EIF4G2: variants seen among roughly 807,000 people sequenced by gnomAD.
EIF4G2 encodes the protein eukaryotic translation initiation factor 4 gamma 2.
EIF4G2 carries 8 observed loss-of-function variants against 117.7 expected under a neutral mutation model. The observed-to-expected ratio is 0.07, with a 90% CI of 0.04 to 0.12. The LOEUF is 0.12. EIF4G2 is among the 10% of genes least tolerant of loss of function. The pLI is 1.00. For missense variants in EIF4G2, 812 were observed against 1,086.2 expected (o/e 0.75, Z 3.55); for synonymous variants, 413 against 367.8 (o/e 1.12, Z -1.41).
In EIF4G2 at chr11:10,801,107, A is replaced by G. The variant is rs377419984; in HGVS notation, c.1414-20T>C. On this transcript the variant is annotated intron_variant, in intron 14 of 21. Transcript: ENST00000339995. ...GCTAATCTGGAATTGAAAACAAAAT[A>G]TATCTAAATTAACAACATGCAGTTG... The G allele has an allele frequency of 1.9e-5, 30 of 1,613,468 alleles. No homozygotes were observed. Among genetic ancestry groups the G allele is most frequent in the African/African-American group, 2.7e-5 (2 of 74,878 alleles).
At chr11:10,801,413 G>C (rs534244362) in intron 14 of EIF4G2, 1 of 654,608 alleles carries the variant, frequency 1.5e-6, no homozygotes, top group South Asian at 1.7e-5. Flanking sequence ...TACAAAGAAA[G>C]AAACCACAAT....
In EIF4G2 at chr11:10,802,133, T is replaced by G. The variant is rs137944750; in HGVS notation, c.1215A>C (p.Gln405His). Reference sequence around the variant, plus strand: ...TGTGTCCCCCATGGCCATTGAAGAGTTGATTTGAACGATGACGTCCCATGG... The same window carrying G: ...TGTGTCCCCCATGGCCATTGAAGAGGTGATTTGAACGATGACGTCCCATGG... The change falls in exon 13 of 22, where the codon CAA becomes CAC. Residue 405 changes from glutamine to histidine, a missense_variant. Coordinates refer to ENST00000339995, the MANE Select transcript of EIF4G2 (RefSeq NM_001418.4). The G allele has an allele frequency of 1.3e-5, 21 of 1,614,126 alleles. No homozygotes were observed. In the East Asian group the frequency reaches 2.0e-4, roughly 15 times the overall value.
chr11:10,798,904 C>T, intron 21 of EIF4G2, 88 bp downstream of exon 21: 1 of 1,486,994 alleles, frequency 6.7e-7, no homozygotes, highest in Non-Finnish European at 9.1e-7. Context: ...ACTACCTTGC[C>T]TGTATTTCAG....
At chr11:10,807,712 G>T in intron 1 of EIF4G2, 1 of 993,696 alleles carries the variant, frequency 1.0e-6, no homozygotes, top group South Asian at 4.5e-5. Flanking sequence ...GCAACATCAC[G>T]TGGAAAATGT....
In EIF4G2 at chr11:10,804,025, G is replaced by C. The variant is rs746467647; in HGVS notation, c.576C>G (p.Leu192=). 1.9e-6 allele frequency: 3 copies of C among 1,614,024 alleles called. No individual in the cohort carries two copies. The South Asian group carries it at 3.3e-5, about 18-fold the overall frequency. The change falls in exon 8 of 22, where the codon CTC becomes CTG. Residue 192 remains leucine, a synonymous_variant. Coordinates refer to ENST00000339995, the MANE Select transcript of EIF4G2 (RefSeq NM_001418.4). The stretch of plus-strand genomic sequence containing the variant: ...CTCTCTGTTCCTCCTCCTCGGGGAG[G>C]AGGGGATTTTCACGCTTATCATAGA...
rs770450400 is a variant in EIF4G2 at position 10,806,808 on chromosome 11, T to C, written c.107+12A>G. ...AAATAAAGCTCACTGTTTTTTTACA[T>C]GTTTACCACACCTGTTGCCAGCAGT... On this transcript the variant is annotated intron_variant, in intron 3 of 21. Coordinates refer to ENST00000339995, the MANE Select transcript of EIF4G2 (RefSeq NM_001418.4). 1.2e-6 allele frequency: 2 copies of C among 1,613,782 alleles called. No individual in the cohort carries two copies. Among genetic ancestry groups the C allele is most frequent in the South Asian group, 1.1e-5 (1 of 91,074 alleles).
intron 1 of EIF4G2, chr11:10,807,680 A>T (rs1284455146): frequency 9.9e-7 from 1 of 1,010,904 alleles, no homozygotes. Flanking sequence ...AGATCAATAG[A>T]AAAGTCTAAC....
At chr11:10,801,202 T>G in intron 14 of EIF4G2, 115 bp from the exon 15 acceptor site, 1 of 1,449,024 alleles carries the variant, frequency 6.9e-7, no homozygotes, top group Non-Finnish European at 9.2e-7. Flanking sequence ...TTAAGCTTTT[T>G]GAAAAACTAA....
At chr11:10,804,465 G>A (rs1847504628) in intron 5 of EIF4G2, 47 bp from the exon 6 acceptor site, 1 of 1,532,066 alleles carries the variant, frequency 6.5e-7, no homozygotes, top group African/African-American at 1.4e-5. Flanking sequence ...ACTTCTCCAA[G>A]AACCCTTCCT....
chr11:10,799,198 T>C lies in EIF4G2; in HGVS notation c.2536+15A>G, dbSNP rs767785772. 92 of 1,613,670 alleles carry C rather than the reference T, an allele frequency of 5.7e-5. 1 individual carries two copies. Among genetic ancestry groups the C allele is most frequent in the South Asian group, 3.1e-4 (28 of 91,086 alleles). ...GAACTTCCTCACGCCGTTCTTCTGA[T>C]ACAAGTCCTCTCACCTTTTGGGAAG... On this transcript the variant is annotated intron_variant, in intron 20 of 21. Transcript: ENST00000339995.
Position 10,803,887 on chromosome 11 carries a change from T to C in EIF4G2, c.702+12A>G. 1 of 1,604,094 alleles carries C rather than the reference T, an allele frequency of 6.2e-7. No individual in the cohort carries two copies. The highest frequency in any genetic ancestry group is 8.5e-7 in the Non-Finnish European group (1 of 1,172,804). On this transcript the variant is annotated intron_variant, in intron 8 of 21. Transcript: ENST00000339995. This position sits in a 1 kb window ranked among gnomAD's most constrained non-coding sequence, Gnocchi z 4.0. ...ACTGACTACATTCGCCTAACTTCCC[T>C]GTCACACTTACTGTTTTGATGCACT...
chr11:10,801,279 G>C (rs760832204), intron 14 of EIF4G2, 192 bp from the exon 15 acceptor site: 5 of 658,904 alleles, frequency 7.6e-6, no homozygotes, highest in Non-Finnish European at 1.3e-5. Context: ...GCATACAGTA[G>C]TAAGATACTA....
chr11:10,797,614 C>T lies in EIF4G2; in HGVS notation c.*202G>A. 1.7e-6 allele frequency: 1 copy of T among 584,398 alleles called. No homozygotes were observed. Among genetic ancestry groups the T allele is most frequent in the Non-Finnish European group, 3.0e-6 (1 of 329,556 alleles). The allele number at this position is 584,398 out of a possible 1,614,324, so 36.2% of individuals were successfully genotyped here. Reference sequence around the variant, plus strand: ...ATACTATCTAAACATTAAAGATACTCCTAAAATATTTGATGGTAGACTATG... The same window carrying T: ...ATACTATCTAAACATTAAAGATACTTCTAAAATATTTGATGGTAGACTATG... On this transcript the variant is annotated 3_prime_UTR_variant, in exon 22 of 22. Transcript: ENST00000339995. The surrounding 1 kb of genome is among the most constrained non-coding windows in gnomAD (Gnocchi z 4.5).
chr11:10,801,344 AC>A, intron 14 of EIF4G2: 1 of 628,786 alleles, frequency 1.6e-6, no homozygotes, highest in Non-Finnish European at 2.7e-6. Context: ...CAAATAAAAA[AC>A]TGCAAATTTA....
chr11:10,804,581 G>T, intron 5 of EIF4G2, 163 bp from the exon 6 acceptor site: 1 of 867,940 alleles, frequency 1.2e-6, no homozygotes, highest in Non-Finnish European at 1.7e-6. Context: ...GTCAGAAAAT[G>T]CCATGGATAT....
chr11:10,802,233 T>C (rs1317611811), intron 12 of EIF4G2, 24 bp from the exon 13 acceptor site: 1 of 1,611,798 alleles, frequency 6.2e-7, no homozygotes, highest in African/African-American at 1.3e-5. Context: ...TACGGACAAC[T>C]CTCAAAACTA....
chr11:10,799,689 T>C lies in EIF4G2; in HGVS notation c.2187A>G (p.Pro729=), dbSNP rs533678666. ...ACAGTTCCTTCTCCAATTTGAGGAGTGGGAATAAGAAACTCAGTCCCTTTC... is the reference window on the plus strand; with the variant it reads ...ACAGTTCCTTCTCCAATTTGAGGAGCGGGAATAAGAAACTCAGTCCCTTTC... Residue 729 remains proline, a synonymous_variant, in exon 19 of 22, where the codon CCA becomes CCG. Coordinates refer to ENST00000339995, the MANE Select transcript of EIF4G2 (RefSeq NM_001418.4). 1 of 1,614,024 alleles carries C rather than the reference T, an allele frequency of 6.2e-7. No individual in the cohort carries two copies. Among genetic ancestry groups the C allele is most frequent in the African/African-American group, 1.3e-5 (1 of 75,000 alleles).
chr11:10,807,418 A>G, intron 1 of EIF4G2, 37 bp from the exon 2 acceptor site: 1 of 1,568,200 alleles, frequency 6.4e-7, no homozygotes, highest in Non-Finnish European at 8.6e-7. Context: ...AGACACTGCT[A>G]ACATACAGAT....
chr11:10,802,278 G>GT lies in EIF4G2; in HGVS notation c.1138+15dup, dbSNP rs749041171. ...GATTTTTCAGCTTAACGCAACCATT[G>GT]TTTTTTCAAAATTACCTGGCATTTG... On this transcript the variant is annotated intron_variant, in intron 12 of 21. Transcript: ENST00000339995. The GT allele has an allele frequency of 6.2e-6, 10 of 1,611,166 alleles. No homozygotes were observed. The highest frequency in any genetic ancestry group is 8.5e-6 in the Non-Finnish European group (10 of 1,178,594).
Sources: allele counts gnomAD v4.1 joint callset, GRCh38; gene constraint gnomAD v4.1.1; non-coding constraint Gnocchi (gnomAD v3.1); transcripts MANE v1.5; gene names NCBI Gene and HGNC (gene_info 2026-07-23, HGNC 2026-07-21).